The following KL variants were observed in gnomAD, a reference collection of about 807,000 sequenced individuals.
The protein encoded by KL is alpha-klotho.
Under a neutral mutation model 84.2 loss-of-function variants are expected in KL, and 62 were observed. The ratio of observed to expected loss-of-function variants is 0.74; its 90% CI spans 0.60 to 0.91. The LOEUF is 0.91. Ranked by LOEUF, KL falls within the 40% of genes least tolerant of loss-of-function variation. The pLI, the probability that KL is intolerant of heterozygous loss-of-function variation, is 0.00. For synonymous variants in KL, 528 were observed against 528.0 expected (o/e 1.00, Z 0.00); for missense variants, 1,261 against 1,305.7 (o/e 0.97, Z 0.53).
chr13:33,055,296 T>C lies in KL; in HGVS notation c.1580T>C (p.Val527Ala). Residue 527 changes from valine to alanine, a missense_variant, in exon 3 of 5, where the codon GTT (valine) becomes GCT (alanine). Coordinates refer to ENST00000380099, the MANE Select transcript of KL (RefSeq NM_004795.4). ...GTFPCDFAWGVVDNYIQVDTT... is the reference protein window; with the variant it reads ...GTFPCDFAWGAVDNYIQVDTT... Reference sequence around the variant, plus strand: ...TTTCCCTGTGACTTTGCTTGGGGAGTTGTTGACAACTACATTCAAGTAAGT... The same window carrying C: ...TTTCCCTGTGACTTTGCTTGGGGAGCTGTTGACAACTACATTCAAGTAAGT... 2.5e-6 allele frequency: 4 copies of C among 1,613,996 alleles called. No homozygotes were observed. The highest frequency in any genetic ancestry group is 3.4e-6 in the Non-Finnish European group (4 of 1,179,998).
chr13:33,048,542 G>A (rs1181139482), intron 1 of KL, among the ~76,000 whole-genome samples: 1 of 152,234 alleles, frequency 6.6e-6, no homozygotes, highest in African/African-American at 2.4e-5. Flanking sequence ...GACAGCCAAG[G>A]ATCCTTGGGA....
At position 33,064,623 on chromosome 13, in the gene KL, A is replaced by G. The variant is rs568696493; in HGVS notation, c.*437A>G. 1 of 249,296 alleles carries G rather than the reference A, an allele frequency of 4.0e-6. No individual in the cohort carries two copies. The highest frequency in any genetic ancestry group is 1.2e-4 in the South Asian group (1 of 8,006). The allele number at this position is 249,296 out of a possible 1,614,324, so 15.4% of individuals were successfully genotyped here. ...CAAGTAACCATTTCTCAGCTGCCAT[A>G]ATAATGCCTAGTGGCTTCCCCTCTG... On this transcript the variant is annotated 3_prime_UTR_variant, in exon 5 of 5. Transcript: ENST00000380099.
chr13:33,044,538 ATTTTCTAAGTATT>A (rs1248330120), intron 1 of KL, among the ~76,000 whole-genome samples: 1 of 142,678 alleles, frequency 7.0e-6, no homozygotes, highest in Non-Finnish European at 1.5e-5. Flanking sequence ...TTGTTAAATT[ATTTTCTAAGTATT>A]TTACGATTTT....
At chr13:33,032,693 A>G (rs1014405841) in intron 1 of KL, among the ~76,000 whole-genome samples, 3 of 152,284 alleles carry the variant, frequency 2.0e-5, no homozygotes, top group South Asian at 2.1e-4. Context: ...AGATCCGCCA[A>G]TGGGAGGAAC....
At chr13:33,034,659 A>G (rs1371198254) in intron 1 of KL, among the ~76,000 whole-genome samples, 4 of 152,026 alleles carry the variant, frequency 2.6e-5, no homozygotes, top group Non-Finnish European at 1.5e-5. Context: ...TACATTTATT[A>G]TGTTTGTTGT....
Position 33,016,753 on chromosome 13 carries a change from C to T in KL, c.313C>T (p.Arg105Trp). 17 of 1,611,726 alleles carry T rather than the reference C, an allele frequency of 1.1e-5. No homozygotes were observed. The highest frequency in any genetic ancestry group is 1.4e-5 in the Non-Finnish European group (16 of 1,179,390). ...CCCCCTGGCACCCCCGGGAGACTCC[C>T]GGAACGCCAGTCTGCCGTTGGGCGC... ...HHPLAPPGDSRNASLPLGAPS... is the reference protein window; with the variant it reads ...HHPLAPPGDSWNASLPLGAPS... Residue 105 changes from arginine (R) to tryptophan (W), a missense_variant, in exon 1 of 5, where the codon CGG (arginine) becomes TGG (tryptophan). Coordinates refer to ENST00000380099, the MANE Select transcript of KL (RefSeq NM_004795.4).
In KL at chr13:33,053,887, A is replaced by C. The variant is rs777030126; in HGVS notation, c.940A>C (p.Lys314Gln). Residue 314 changes from lysine to glutamine, a missense_variant, in exon 2 of 5, where the codon AAA becomes CAA. Lys to Gln is a moderately conservative substitution (Grantham distance 53). Coordinates refer to ENST00000380099, the MANE Select transcript of KL (RefSeq NM_004795.4). ...TCGAAGAATGACCGACCACAGCATC[A>C]AAGAATGTCAAAAATCTCTGGACTT... The part of the protein sequence containing the change: ...NPRRMTDHSI[K>Q]ECQKSLDFVL... 6.2e-7 allele frequency: 1 copy of C among 1,614,190 alleles called. No individual in the cohort carries two copies. Among genetic ancestry groups the C allele is most frequent in the Non-Finnish European group, 8.5e-7 (1 of 1,180,024 alleles).
At chr13:33,044,756 G>A (rs893465867) in intron 1 of KL, among the ~76,000 whole-genome samples, 1 of 149,238 alleles carries the variant, frequency 6.7e-6, no homozygotes, top group Non-Finnish European at 1.5e-5. Flanking sequence ...GCTGAAGGGA[G>A]CCTCTCACCT....
chr13:33,019,554 T>G (rs1167630912), intron 1 of KL, among the ~76,000 whole-genome samples: 1 of 152,028 alleles, frequency 6.6e-6, no homozygotes, highest in Non-Finnish European at 1.5e-5. Context: ...GATGGGAAGC[T>G]TGACCCCTCC....
chr13:33,024,979 AG>A (rs1160373970), intron 1 of KL, among the ~76,000 whole-genome samples: 1 of 152,028 alleles, frequency 6.6e-6, no homozygotes, highest in Non-Finnish European at 1.5e-5. Flanking sequence ...ATGGGCTGTG[AG>A]GGGGCTCCTA....
rs1342348200 is a variant in KL at position 33,016,566 on chromosome 13, G to A, written c.126G>A (p.Trp42Ter). 22 of 1,476,176 alleles carry A rather than the reference G, an allele frequency of 1.5e-5. No individual in the cohort carries two copies. Among genetic ancestry groups the A allele is most frequent in the Non-Finnish European group, 1.8e-5 (20 of 1,116,540 alleles). 91.4% of individuals were successfully genotyped at this position (1,476,176 alleles called of 1,614,324 possible). A position where few individuals can be genotyped will look rare whatever the true frequency, so the allele number is the denominator to read the frequency against. Residue 42 changes from tryptophan (W) to a stop codon, truncating the protein, a stop_gained, in exon 1 of 5, where the codon TGG becomes TGA. Transcript: ENST00000380099. LOFTEE classifies it high-confidence loss of function. Reference sequence around the variant, plus strand: ...AGCCGGGCGACGGCGCGCAGACCTGGGCCCGTTTCTCGCGGCCTCCTGCCC... The same window carrying A: ...AGCCGGGCGACGGCGCGCAGACCTGAGCCCGTTTCTCGCGGCCTCCTGCCC... ...RAEPGDGAQT[W>*]ARFSRPPAPE...
chr13:33,025,212 G>C (rs1407491504), intron 1 of KL, among the ~76,000 whole-genome samples: 3 of 152,166 alleles, frequency 2.0e-5, no homozygotes, highest in Non-Finnish European at 2.9e-5. Context: ...TAGCGTTTTG[G>C]GGAGGTAGTA....
intron 1 of KL, among the ~76,000 whole-genome samples, chr13:33,041,624 T>C (rs551523133): frequency 6.6e-6 from 1 of 152,120 alleles, no homozygotes; most frequent in Admixed American, 6.5e-5. Flanking sequence ...GGCACAGACT[T>C]CAGATAATTT....
At chr13:33,020,253 C>T (rs147175669) in intron 1 of KL, among the ~76,000 whole-genome samples, 2 of 152,338 alleles carry the variant, frequency 1.3e-5, no homozygotes, top group Admixed American at 1.3e-4. Context: ...GCCATCACTT[C>T]TTGTCCCTTG....
chr13:33,056,413 ACC>A (rs1235185577), intron 3 of KL, among the ~76,000 whole-genome samples: 1 of 152,186 alleles, frequency 6.6e-6, no homozygotes, highest in African/African-American at 2.4e-5. Flanking sequence ...ATAAATTAAC[ACC>A]ATCCTTAGTA....
chr13:33,042,338 G>A (rs954760179), intron 1 of KL, among the ~76,000 whole-genome samples: 4 of 152,044 alleles, frequency 2.6e-5, no homozygotes, highest in African/African-American at 9.7e-5. Context: ...TCCAAGTAAA[G>A]ATATAGAATA....
rs187476927 is a variant in KL at position 33,019,506 on chromosome 13, C to T, written c.819+2247C>T. Among the ~76,000 whole-genome samples the T allele has an allele frequency of 6.7e-4, 102 of 152,134 alleles. 2 individuals are homozygous for T. Among genetic ancestry groups the T allele is most frequent in the Admixed American group, 6.1e-3 (93 of 15,280 alleles). On this transcript the variant is annotated intron_variant, in intron 1 of 4. Transcript: ENST00000380099. Reference sequence around the variant, plus strand: ...CCTTCCCTCACTCCCTCTGTGTTTCCACTAACTTACAAATGGGCTAAGGAG... The same window carrying T: ...CCTTCCCTCACTCCCTCTGTGTTTCTACTAACTTACAAATGGGCTAAGGAG...
At position 33,065,434 on chromosome 13, in the gene KL, G is replaced by T. The variant is rs1872374536; in HGVS notation, c.*1248G>T. On this transcript the variant is annotated 3_prime_UTR_variant, in exon 5 of 5. Coordinates refer to ENST00000380099, the MANE Select transcript of KL (RefSeq NM_004795.4). ...ATAAGTCTTGCTGATTTTCAGACAGGGAAGTCTCTCTATTACACTGGAGCT... is the reference window on the plus strand; with the variant it reads ...ATAAGTCTTGCTGATTTTCAGACAGTGAAGTCTCTCTATTACACTGGAGCT... 1 of 197,054 alleles carries T rather than the reference G, an allele frequency of 5.1e-6. No individual in the cohort carries two copies. 12.2% of individuals were successfully genotyped at this position (197,054 alleles called of 1,614,324 possible). A position where few individuals can be genotyped will look rare whatever the true frequency, so the allele number is the denominator to read the frequency against.
At chr13:33,049,074 C>A (rs548029591) in intron 1 of KL, among the ~76,000 whole-genome samples, 139 of 152,230 alleles carry the variant, frequency 9.1e-4, no homozygotes, top group Middle Eastern at 6.8e-3. Flanking sequence ...ACGAGAGAGA[C>A]TTATACCCCA....
Sources: gnomAD v4.1 joint callset for allele counts (sites outside exome capture counted in the v4.1 genomes callset) on GRCh38, gnomAD v4.1.1 for gene constraint, MANE v1.5 for transcripts, NCBI Gene and HGNC (gene_info 2026-07-23, HGNC 2026-07-21) for gene names.